Variants in CNTNAP3B observed in about 807,000 individuals in gnomAD.
CNTNAP3B encodes the protein contactin associated protein family member 3B.
A neutral mutation model predicts 108.9 loss-of-function variants in CNTNAP3B; 25 were observed. That is an observed-to-expected ratio of 0.23 (90% CI 0.17 to 0.32). The LOEUF is 0.32. Among genes scored for constraint, CNTNAP3B ranks in the 10% least tolerant of loss-of-function variants. The probability of loss-of-function intolerance (pLI) is 1.00; values close to 1 mark genes in which losing one functional copy is unlikely to be tolerated. For synonymous variants in CNTNAP3B, 103 were observed against 473.4 expected, an observed-to-expected ratio of 0.22 and a Z score of 10.16; for missense variants, 252 against 1,210.4, an observed-to-expected ratio of 0.21 and a Z score of 11.75.
At position 42,107,702 on chromosome 9, in the gene CNTNAP3B, G is replaced by A. The variant is rs575187205; in HGVS notation, c.86-2963C>T. Among the ~76,000 whole-genome samples the A allele has an allele frequency of 1.2e-3, 170 of 137,982 alleles. 29 individuals are homozygous for A. The highest frequency in any genetic ancestry group is 7.5e-3 in the South Asian group (32 of 4,242). 90.5% of individuals were successfully genotyped at this position (137,982 alleles called of 152,430 possible). ...CTTCAGAAAGGCAATAAATTCGGGC[G>A]CGGTGGCTCACACCTGTAATCCCAA... is the stretch of plus-strand genomic sequence containing the variant. On this transcript the variant is annotated intron_variant, in intron 1 of 23. Coordinates refer to ENST00000377561, the MANE Select transcript of CNTNAP3B (RefSeq NM_001201380.3).
chr9:42,070,723 T>C (rs1414162632), intron 3 of CNTNAP3B, among the ~76,000 whole-genome samples: 1 of 152,172 alleles, frequency 6.6e-6, no homozygotes, highest in African/African-American at 2.4e-5. Context: ...GGCTCAGTGC[T>C]GATCGGCAGA....
rs1828349834 is a variant in CNTNAP3B, at chr9:42,117,647, C to T, written c.85+11363G>A. On this transcript the variant is annotated intron_variant, in intron 1 of 23. Coordinates refer to ENST00000377561, the MANE Select transcript of CNTNAP3B (RefSeq NM_001201380.3). The stretch of plus-strand genomic sequence containing the variant: ...AAGCAAGAGCAAACACATTCAAAAG[C>T]TAGCAGAAGGCAAGAAATAACTAAG... 1.5e-5 allele frequency among the ~76,000 whole-genome samples: 2 copies of T among 136,168 alleles called. 1 individual carries two copies. Among genetic ancestry groups the T allele is most frequent in the African/African-American group, 5.9e-5 (2 of 33,914 alleles). 89.3% of individuals were successfully genotyped at this position (136,168 alleles called of 152,430 possible).
At chr9:41,916,875 G>T (rs1283243357) in intron 18 of CNTNAP3B, among the ~76,000 whole-genome samples, 1 of 149,648 alleles carries the variant, frequency 6.7e-6, no homozygotes, top group African/African-American at 2.5e-5. Flanking sequence ...TTATCTCACT[G>T]TCCTTTGGCC....
At position 42,113,861 on chromosome 9, in the gene CNTNAP3B, C is replaced by T. The variant is rs557793610; in HGVS notation, c.86-9122G>A. Among the ~76,000 whole-genome samples the T allele has an allele frequency of 5.7e-5, 8 of 139,354 alleles. 1 individual carries two copies. The South Asian group carries it at 1.9e-3, about 32-fold the overall frequency. The allele number at this position is 139,354 out of a possible 152,430, so 91.4% of individuals were successfully genotyped here. A position where few individuals can be genotyped will look rare whatever the true frequency, so the allele number is the denominator to read the frequency against. ...GATGGATACTCCATTTTTCTTGATG[C>T]ACTTATTTCACATTGCATGCCTGTA... On this transcript the variant is annotated intron_variant, in intron 1 of 23. Transcript: ENST00000377561.
intron 14 of CNTNAP3B, among the ~76,000 whole-genome samples, chr9:41,935,220 A>G (rs1404500278): frequency 6.6e-6 from 1 of 152,292 alleles, no homozygotes; most frequent in Admixed American, 6.5e-5. Context: ...TGCCTGAGGA[A>G]CTGTCTGATC....
chr9:41,962,761 C>A (rs1825140282), intron 11 of CNTNAP3B, among the ~76,000 whole-genome samples: 1 of 151,848 alleles, frequency 6.6e-6, no homozygotes, highest in Non-Finnish European at 1.5e-5. Context: ...CGAGACCATC[C>A]CGGCTAACAT....
At chr9:41,954,516 A>G (rs1231333487) in intron 12 of CNTNAP3B, among the ~76,000 whole-genome samples, 2 of 152,290 alleles carry the variant, frequency 1.3e-5, no homozygotes, top group Non-Finnish European at 2.9e-5. Flanking sequence ...AATGAGCCAC[A>G]AGTACAGAAA....
intron 11 of CNTNAP3B, among the ~76,000 whole-genome samples, chr9:41,963,909 A>G (rs1464433713): frequency 6.6e-6 from 1 of 152,310 alleles, no homozygotes; most frequent in Admixed American, 6.5e-5. Flanking sequence ...AAGCAATAGC[A>G]GAGGGCTGAC....
At chr9:41,941,288 CACA>C (rs1406059788) in intron 13 of CNTNAP3B, among the ~76,000 whole-genome samples, 41 of 145,332 alleles carry the variant, frequency 2.8e-4, no homozygotes, top group African/African-American at 9.4e-4. Context: ...AAAAAAATAA[CACA>C]ACGAGAAATT....
intron 10 of CNTNAP3B, among the ~76,000 whole-genome samples, chr9:41,966,384 T>G (rs1475156714): frequency 6.6e-6 from 1 of 152,308 alleles, no homozygotes; most frequent in African/African-American, 2.4e-5. Context: ...TACACTATTT[T>G]TCTTCAACTA....
At chr9:42,030,100 C>T (rs1183764955) in intron 3 of CNTNAP3B, among the ~76,000 whole-genome samples, 5 of 73,270 alleles carry the variant, frequency 6.8e-5, no homozygotes, top group East Asian at 4.7e-4. Flanking sequence ...GCTAAGATTG[C>T]GCCACTGCAC....
intron 13 of CNTNAP3B, among the ~76,000 whole-genome samples, chr9:41,945,290 C>G (rs1376117313): frequency 2.6e-5 from 4 of 152,292 alleles, no homozygotes; most frequent in African/African-American, 9.6e-5. Flanking sequence ...GATTATAAAT[C>G]ATGCTGCTAT....
rs867302733 is a variant in CNTNAP3B, at chr9:42,110,711, C to T, written c.86-5972G>A. On this transcript the variant is annotated intron_variant, in intron 1 of 23. Coordinates refer to ENST00000377561, the MANE Select transcript of CNTNAP3B (RefSeq NM_001201380.3). Reference sequence around the variant, plus strand: ...GGGTGCCCATACCTTCTTCAGGCCACGTCTGGATGTTCATCTGGATACGGC... The same window carrying T: ...GGGTGCCCATACCTTCTTCAGGCCATGTCTGGATGTTCATCTGGATACGGC... Among the ~76,000 whole-genome samples, 26 of 136,982 alleles carry T rather than the reference C, an allele frequency of 1.9e-4. 6 individuals carry two copies. The highest frequency in any genetic ancestry group is 7.0e-4 in the African/African-American group (24 of 34,316). The allele number at this position is 136,982 out of a possible 152,430, so 89.9% of individuals were successfully genotyped here.
At chr9:42,010,412 C>T (rs1452846843) in intron 4 of CNTNAP3B, among the ~76,000 whole-genome samples, 8 of 147,834 alleles carry the variant, frequency 5.4e-5, no homozygotes, top group African/African-American at 1.3e-4. Context: ...TACAGAATTT[C>T]GTGACTCACT....
At chr9:42,110,913 A>G (rs1260888017) in intron 1 of CNTNAP3B, among the ~76,000 whole-genome samples, 1 of 140,192 alleles carries the variant, frequency 7.1e-6, no homozygotes, top group African/African-American at 2.8e-5. Context: ...GAAAAAGTAC[A>G]TTTTACTCAC....
intron 10 of CNTNAP3B, among the ~76,000 whole-genome samples, chr9:41,966,428 G>A (rs2645566): frequency 3.9e-3 from 586 of 151,518 alleles, no homozygotes; most frequent in African/African-American, 0.014. Context: ...TTTACATGTA[G>A]TACAAATAAT....
At chr9:41,950,049 A>G (rs1824631182) in intron 13 of CNTNAP3B, among the ~76,000 whole-genome samples, 1 of 121,648 alleles carries the variant, frequency 8.2e-6, no homozygotes, top group Admixed American at 8.7e-5. Flanking sequence ...AAATCCAAAC[A>G]ATCCAATTAG....
chr9:41,995,717 T>G (rs1353390660), intron 7 of CNTNAP3B, among the ~76,000 whole-genome samples: 11 of 89,344 alleles, frequency 1.2e-4, no homozygotes, highest in African/African-American at 3.1e-4. Context: ...GGTGACAGAG[T>G]GAGACTCCGT....
At position 41,929,378 on chromosome 9, in the gene CNTNAP3B, G is replaced by C; in HGVS notation, c.2304C>G (p.Asp768Glu). 9.1e-6 allele frequency: 14 copies of C among 1,544,930 alleles called. 1 individual carries two copies. Among genetic ancestry groups the C allele is most frequent in the Non-Finnish European group, 1.2e-5 (14 of 1,139,734 alleles). The change falls in exon 15 of 24, where the codon GAC becomes GAG. Residue 768 changes from aspartate to glutamate, a missense_variant. By Grantham distance (45) the Asp-to-Glu change is conservative. Coordinates refer to ENST00000377561, the MANE Select transcript of CNTNAP3B (RefSeq NM_001201380.3). ...CTGCTTCGGAATGTGGTTGGCCTGT[G>C]TCTGTCATCACAATCTGAGTGACTG... is the stretch of plus-strand genomic sequence containing the variant. Reference protein sequence around the residue: ...HLPVTQIVMTDTGQPHSEADY... With the variant: ...HLPVTQIVMTETGQPHSEADY...
Sources: gnomAD v4.1 joint callset for allele counts (sites outside exome capture counted in the v4.1 genomes callset) on GRCh38, gnomAD v4.1.1 for gene constraint, MANE v1.5 for transcripts, NCBI Gene and HGNC (gene_info 2026-07-23, HGNC 2026-07-21) for gene names.